The following NUDT7 variants were observed in gnomAD, a reference collection of about 807,000 sequenced individuals.
NUDT7 encodes peroxisomal coenzyme A diphosphatase NUDT7.
NUDT7 carries 19 observed loss-of-function variants against 13.1 expected under a neutral mutation model. The ratio of observed to expected loss-of-function variants is 1.45; its 90% confidence interval spans 1.01 to 2.13. NUDT7 has a LOEUF of 2.13. Ranked by LOEUF, NUDT7 falls within the 30% of genes most tolerant of loss-of-function variation. The pLI, the probability that NUDT7 is intolerant of heterozygous loss-of-function variation, is 0.00. For synonymous variants in NUDT7, 132 were observed against 109.7 expected (o/e 1.20, Z -1.27); for missense variants, 360 against 291.7 (o/e 1.23, Z -1.71).
intron 2 of NUDT7, among the ~76,000 whole-genome samples, chr16:77,729,612 G>A (rs2014248692): frequency 6.6e-6 from 1 of 152,126 alleles, no homozygotes; most frequent in African/African-American, 2.4e-5. Context: ...GATCACCTGA[G>A]GTCAGGAGTT....
intron 2 of NUDT7, among the ~76,000 whole-genome samples, chr16:77,725,822 C>A (rs1267255684): frequency 6.6e-6 from 1 of 152,216 alleles, no homozygotes; most frequent in Admixed American, 6.5e-5. Context: ...CTAGGGTTAC[C>A]TAACCTTGGT....
intron 2 of NUDT7, among the ~76,000 whole-genome samples, chr16:77,730,598 C>A (rs1040226258): frequency 6.6e-6 from 1 of 152,126 alleles, no homozygotes; most frequent in Non-Finnish European, 1.5e-5. Context: ...CTTCGATATA[C>A]TGATTTCATT....
chr16:77,734,105 C>T (rs2014402261), intron 2 of NUDT7, among the ~76,000 whole-genome samples: 1 of 152,018 alleles, frequency 6.6e-6, no homozygotes, highest in Non-Finnish European at 1.5e-5. Context: ...TTTACCAACA[C>T]ACGCAAAGAT....
At chr16:77,731,063 G>A (rs138690483) in intron 2 of NUDT7, among the ~76,000 whole-genome samples, 44 of 151,840 alleles carry the variant, frequency 2.9e-4, no homozygotes, top group African/African-American at 1.0e-3. Context: ...TTCCTTAGCT[G>A]TGCAAAAGCT....
At chr16:77,738,575 G>A (rs1480217368) in intron 3 of NUDT7, among the ~76,000 whole-genome samples, 1 of 152,138 alleles carries the variant, frequency 6.6e-6, no homozygotes, top group Admixed American at 6.5e-5. Context: ...GGTAATGTCT[G>A]GAGATCATAG....
chr16:77,742,041 C>G lies in NUDT7; in HGVS notation c.*91C>G. The G allele has an allele frequency of 6.7e-7, 1 of 1,489,380 alleles. No homozygotes were observed. 92.3% of individuals were successfully genotyped at this position (1,489,380 alleles called of 1,614,324 possible). ...AACAATGCCAGCTGTTGGAATTTGA[C>G]AGGTGTGAATATTTTTTCTGCAGTA... On this transcript the variant is annotated 3_prime_UTR_variant, in exon 4 of 4. Coordinates refer to ENST00000268533, the MANE Select transcript of NUDT7 (RefSeq NM_001105663.3).
intron 2 of NUDT7, among the ~76,000 whole-genome samples, chr16:77,734,558 G>T (rs967744736): frequency 3.3e-5 from 5 of 152,126 alleles, no homozygotes; most frequent in Non-Finnish European, 7.4e-5. Context: ...AGGAGGCAAG[G>T]CTTGCAGTGA....
At chr16:77,741,466 T>C in intron 3 of NUDT7, 116 bp from the exon 4 acceptor site, 1 of 1,083,236 alleles carries the variant, frequency 9.2e-7, no homozygotes, top group Non-Finnish European at 1.3e-6. Flanking sequence ...TAAGCTTTCT[T>C]CCCCTTCTCC....
At chr16:77,725,741 G>T in intron 2 of NUDT7, 157 bp downstream of exon 2, 2 of 617,230 alleles carry the variant, frequency 3.2e-6, no homozygotes, top group Non-Finnish European at 5.6e-6. Context: ...GGATAACATG[G>T]TGTTTCTTGG....
chr16:77,737,132 C>CATGTA (rs2014512555), intron 3 of NUDT7, among the ~76,000 whole-genome samples: 1 of 152,158 alleles, frequency 6.6e-6, no homozygotes, highest in Non-Finnish European at 1.5e-5. Context: ...AACAAAGAAA[C>CATGTA]CAGTGTCAGC....
chr16:77,741,506 A>G (rs2145132401), intron 3 of NUDT7, 76 bp from the exon 4 acceptor site: 1 of 1,437,338 alleles, frequency 7.0e-7, no homozygotes, highest in South Asian at 1.4e-5. Context: ...TAGCTCACCT[A>G]GAAGTGGCAT....
At chr16:77,737,689 G>A (rs1597118801) in intron 3 of NUDT7, among the ~76,000 whole-genome samples, 1 of 152,122 alleles carries the variant, frequency 6.6e-6, no homozygotes, top group African/African-American at 2.4e-5. Flanking sequence ...GTTTCACCGT[G>A]TTAGTCAGGA....
In NUDT7 at chr16:77,735,837, G is replaced by A. The variant is rs907830788; in HGVS notation, c.199G>A (p.Ala67Thr). 1.9e-6 allele frequency: 3 copies of A among 1,613,238 alleles called. No homozygotes were observed. Among genetic ancestry groups the A allele is most frequent in the Admixed American group, 3.3e-5 (2 of 59,962 alleles). Residue 67 changes from alanine to threonine, a missense_variant, in exon 3 of 4, where the codon GCC becomes ACC. Coordinates refer to ENST00000268533, the MANE Select transcript of NUDT7 (RefSeq NM_001105663.3). ...TTCTTTCTATATCCAGCTAAGAAGG[G>A]CCCCTGGAGAAGTTTGCTTCCCTGG... ...FTVRSEKLRR[A>T]PGEVCFPGGK...
intron 1 of NUDT7, among the ~76,000 whole-genome samples, chr16:77,723,674 C>T (rs1378248789): frequency 6.6e-6 from 1 of 150,596 alleles, no homozygotes; most frequent in Non-Finnish European, 1.5e-5. Context: ...TCACTGCAGC[C>T]TCTGCCTCCT....
At chr16:77,734,677 A>G (rs537486181) in intron 2 of NUDT7, among the ~76,000 whole-genome samples, 8 of 152,302 alleles carry the variant, frequency 5.3e-5, no homozygotes, top group African/African-American at 1.9e-4. Flanking sequence ...GTGGATAAAC[A>G]AACTGTGATC....
chr16:77,725,332 C>T, intron 1 of NUDT7, 99 bp from the exon 2 acceptor site: 1 of 1,091,800 alleles, frequency 9.2e-7, no homozygotes, highest in Admixed American at 2.4e-5. Flanking sequence ...AAATGGCAAA[C>T]TCCTAAATAC....
At chr16:77,733,691 C>T (rs973883991) in intron 2 of NUDT7, among the ~76,000 whole-genome samples, 10 of 152,198 alleles carry the variant, frequency 6.6e-5, no homozygotes, top group South Asian at 6.2e-4. Context: ...GCACCATTCC[C>T]GTGCATCCGC....
chr16:77,734,352 G>C (rs759883968), intron 2 of NUDT7, among the ~76,000 whole-genome samples: 3 of 152,124 alleles, frequency 2.0e-5, no homozygotes, highest in African/African-American at 7.2e-5. Flanking sequence ...GGCTGGGTGC[G>C]GTGGCTCACG....
At chr16:77,741,318 C>T (rs2014652308) in intron 3 of NUDT7, 3 of 344,830 alleles carry the variant, frequency 8.7e-6, no homozygotes, top group African/African-American at 2.1e-5. Flanking sequence ...TTTTATGATA[C>T]TGCCAAATTG....
Sources: gnomAD v4.1 joint callset for allele counts (sites outside exome capture counted in the v4.1 genomes callset) on GRCh38, gnomAD v4.1.1 for gene constraint, MANE v1.5 for transcripts, NCBI Gene and HGNC (gene_info 2026-07-23, HGNC 2026-07-21) for gene names.